The following TLL2 variants were observed in gnomAD, a reference collection of about 807,000 sequenced individuals.
TLL2 encodes the protein tolloid-like protein 2.
TLL2 carries 106 observed loss-of-function variants against 123.0 expected under a neutral mutation model. The observed-to-expected ratio is 0.86, with a 90% CI of 0.74 to 1.01. The LOEUF is 1.01. Ranked by LOEUF, TLL2 falls within the 50% of genes least tolerant of loss-of-function variation. The probability of loss-of-function intolerance (pLI) is 0.00; values close to 1 mark genes in which losing one functional copy is unlikely to be tolerated. For synonymous variants in TLL2, 494 were observed against 516.8 expected (o/e 0.96, Z 0.60); for missense variants, 1,332 against 1,336.7 (o/e 1.00, Z 0.06).
chr10:96,511,263 T>A (rs1847627413), intron 1 of TLL2, among the ~76,000 whole-genome samples: 1 of 152,260 alleles, frequency 6.6e-6, no homozygotes, highest in Admixed American at 6.5e-5. Flanking sequence ...AGGCAAGTCC[T>A]TTCTCTGAGA....
intron 8 of TLL2, 105 bp downstream of exon 8, chr10:96,413,087 G>T (rs1390769366): frequency 2.0e-6 from 3 of 1,497,152 alleles, no homozygotes; most frequent in Non-Finnish European, 2.7e-6. Context: ...AATTAAAGCT[G>T]CCAAGGAATA....
rs1191805860 is a variant in TLL2 at position 96,513,668 on chromosome 10, T to C, written c.18A>G (p.Ala6=). 1.3e-6 allele frequency: 2 copies of C among 1,563,396 alleles called. No homozygotes were observed. The highest frequency in any genetic ancestry group is 2.7e-5 in the African/African-American group (2 of 73,312). Residue 6 remains alanine (A), a synonymous_variant, in exon 1 of 21, where the codon GCA becomes GCG. Coordinates refer to ENST00000357947, the MANE Select transcript of TLL2 (RefSeq NM_012465.4). ...GCAGCAGTGACACCAGGGCCCCAAG[T>C]GCAGTCGCCCGGGGCATGGTGGCGC... MPRAT[A]LGALVSLLLL... is the part of the protein sequence containing the mutation.
chr10:96,460,318 G>A lies in TLL2; in HGVS notation c.287-14150C>T, dbSNP rs1278617777. 2.0e-5 allele frequency among the ~76,000 whole-genome samples: 3 copies of A among 152,210 alleles called. No homozygotes were observed. The East Asian group carries it at 5.8e-4, about 29-fold the overall frequency. ...AGTAGATGCTATATATAGACTGAAT[G>A]TTTTTGTGCCCCCTCAAAATTCATA... On this transcript the variant is annotated intron_variant, in intron 2 of 20. Coordinates refer to ENST00000357947, the MANE Select transcript of TLL2 (RefSeq NM_012465.4).
chr10:96,440,516 C>T (rs557044149), intron 3 of TLL2, among the ~76,000 whole-genome samples: 1 of 152,286 alleles, frequency 6.6e-6, no homozygotes, highest in East Asian at 1.9e-4. Context: ...TACTCATTTC[C>T]CATATGGTTT....
intron 7 of TLL2, among the ~76,000 whole-genome samples, chr10:96,418,416 AAAG>A (rs1346274084): frequency 6.6e-6 from 1 of 152,202 alleles, no homozygotes; most frequent in Non-Finnish European, 1.5e-5. Flanking sequence ...TCACCTTACT[AAAG>A]TAGCCATCGC....
chr10:96,398,784 A>C (rs576691076), intron 10 of TLL2, among the ~76,000 whole-genome samples: 5 of 152,038 alleles, frequency 3.3e-5, no homozygotes, highest in African/African-American at 1.2e-4. Context: ...TCACTTGGAG[A>C]ATGTATTTAG....
chr10:96,504,151 G>A (rs1050772236), intron 1 of TLL2, among the ~76,000 whole-genome samples: 1 of 152,204 alleles, frequency 6.6e-6, no homozygotes, highest in Non-Finnish European at 1.5e-5. Flanking sequence ...CAGCTGAATG[G>A]AGGCTCAGGC....
chr10:96,430,375 G>A (rs1036257741), intron 4 of TLL2, among the ~76,000 whole-genome samples: 10 of 152,198 alleles, frequency 6.6e-5, no homozygotes, highest in African/African-American at 9.7e-5. Context: ...CTCACCAGGA[G>A]CAGATATGCT....
intron 1 of TLL2, among the ~76,000 whole-genome samples, chr10:96,484,590 TAC>T (rs56286214): frequency 0.21 from 31,054 of 145,756 alleles, 3,412 homozygotes; most frequent in East Asian, 0.31. Context: ...TACACATAAG[TAC>T]ACACACACAC....
intron 2 of TLL2, among the ~76,000 whole-genome samples, chr10:96,458,972 G>C (rs1325974522): frequency 6.6e-6 from 1 of 152,084 alleles, no homozygotes; most frequent in Admixed American, 6.6e-5. Context: ...GGAAAAAAGA[G>C]AGCCCAATCA....
intron 1 of TLL2, among the ~76,000 whole-genome samples, chr10:96,480,792 T>TC (rs1329881852): frequency 2.0e-5 from 3 of 152,198 alleles, no homozygotes; most frequent in African/African-American, 7.2e-5. Flanking sequence ...TTCTTTATGG[T>TC]CCCCAAGATG....
At chr10:96,386,353 C>G (rs1589408227) in intron 14 of TLL2, 138 bp from the exon 15 acceptor site, 4 of 896,356 alleles carry the variant, frequency 4.5e-6, no homozygotes, top group Non-Finnish European at 4.7e-6. Flanking sequence ...AATTCAGTGT[C>G]CTTTGTTCAA....
Position 96,446,227 on chromosome 10 carries a change from C to CA in TLL2, c.287-60dup. The CA allele has an allele frequency of 3.8e-6, 6 of 1,564,668 alleles. No homozygotes were observed. The South Asian group carries it at 6.7e-5, about 17-fold the overall frequency. On this transcript the variant is annotated intron_variant, in intron 2 of 20. Coordinates refer to ENST00000357947, the MANE Select transcript of TLL2 (RefSeq NM_012465.4). ...ACATCAGCCTTCTCTGCATCAGCAC[C>CA]AAGGGATGAGGGAGCAAACCTGGTC...
intron 18 of TLL2, among the ~76,000 whole-genome samples, chr10:96,375,592 A>AG (rs1418775955): frequency 6.6e-6 from 1 of 152,298 alleles, no homozygotes; most frequent in East Asian, 1.9e-4. Flanking sequence ...CCGGGATACC[A>AG]GCTCTTAGCA....
At chr10:96,506,003 T>C (rs1170367062) in intron 1 of TLL2, among the ~76,000 whole-genome samples, 1 of 151,850 alleles carries the variant, frequency 6.6e-6, no homozygotes, top group Non-Finnish European at 1.5e-5. Flanking sequence ...CCTGTAATCC[T>C]AACACTTTGG....
chr10:96,400,376 A>C (rs898729164), intron 10 of TLL2, among the ~76,000 whole-genome samples: 95 of 151,918 alleles, frequency 6.3e-4, no homozygotes, highest in Middle Eastern at 3.4e-3. Flanking sequence ...AAAAAAAAAA[A>C]AAAACAAAAC....
intron 2 of TLL2, among the ~76,000 whole-genome samples, chr10:96,476,233 TA>T (rs1443428048): frequency 1.3e-4 from 5 of 39,384 alleles, no homozygotes; most frequent in South Asian, 6.9e-4. Context: ...TATATATATA[TA>T]TATATATTTT....
chr10:96,453,330 C>G (rs2134090618), intron 2 of TLL2, among the ~76,000 whole-genome samples: 1 of 152,186 alleles, frequency 6.6e-6, no homozygotes, highest in Non-Finnish European at 1.5e-5. Flanking sequence ...GTGGCGCGCA[C>G]CTGTAATTAC....
chr10:96,489,339 C>A (rs1426186593), intron 1 of TLL2, among the ~76,000 whole-genome samples: 1 of 152,162 alleles, frequency 6.6e-6, no homozygotes, highest in African/African-American at 2.4e-5. Flanking sequence ...CCAGCCTGGG[C>A]AACAACGTGA....
Sources: gnomAD v4.1 joint callset for allele counts (sites outside exome capture counted in the v4.1 genomes callset) on GRCh38, gnomAD v4.1.1 for gene constraint, MANE v1.5 for transcripts, NCBI Gene and HGNC (gene_info 2026-07-23, HGNC 2026-07-21) for gene names.